The following EPS15 variants were observed in gnomAD, a reference collection of about 807,000 sequenced individuals.
The protein encoded by EPS15 is epidermal growth factor receptor substrate 15.
EPS15 carries 72 observed loss-of-function variants against 113.8 expected under a neutral mutation model. The observed-to-expected ratio is 0.63, with a 90% CI of 0.52 to 0.77. EPS15 has a LOEUF of 0.77. Among genes scored for constraint, EPS15 ranks in the 30% least tolerant of loss-of-function variants. EPS15 has a pLI of 0.00. For missense variants in EPS15, 1,048 were observed against 1,045.8 expected (o/e 1.00, Z -0.03); for synonymous variants, 344 against 363.4 (o/e 0.95, Z 0.61).
intron 13 of EPS15, among the ~76,000 whole-genome samples, chr1:51,412,697 A>C (rs1468427951): frequency 6.6e-6 from 1 of 152,264 alleles, no homozygotes; most frequent in African/African-American, 2.4e-5. Flanking sequence ...GCTCTGAATA[A>C]ACCCATGCCA....
At chr1:51,409,000 G>A (rs921866868) in intron 14 of EPS15, among the ~76,000 whole-genome samples, 9 of 151,866 alleles carry the variant, frequency 5.9e-5, no homozygotes, top group Admixed American at 1.3e-4. Flanking sequence ...GGGTTTCACC[G>A]TGGTCTCGAT....
At chr1:51,490,263 T>C in intron 1 of EPS15, 1 of 448,000 alleles carries the variant, frequency 2.2e-6, no homozygotes, top group Non-Finnish European at 4.5e-6. Flanking sequence ...TTATTATAAA[T>C]GGTTACAGTA....
At chr1:51,501,767 C>A (rs533542916) in intron 1 of EPS15, among the ~76,000 whole-genome samples, 10 of 152,126 alleles carry the variant, frequency 6.6e-5, no homozygotes, top group Non-Finnish European at 1.5e-4. Flanking sequence ...GTGAGAGCGG[C>A]TGCACCCTGC....
intron 3 of EPS15, among the ~76,000 whole-genome samples, chr1:51,472,106 A>G (rs1655283151): frequency 6.6e-6 from 1 of 152,044 alleles, no homozygotes; most frequent in African/African-American, 2.4e-5. Flanking sequence ...CACGGAAGCC[A>G]AAAGATTGGG....
chr1:51,454,553 C>T (rs1188701291), intron 8 of EPS15, among the ~76,000 whole-genome samples: 1 of 152,126 alleles, frequency 6.6e-6, no homozygotes, highest in Non-Finnish European at 1.5e-5. Context: ...CTCATTTGTC[C>T]AGTCTAGTCA....
chr1:51,500,725 C>T (rs1371880871), intron 1 of EPS15, among the ~76,000 whole-genome samples: 1 of 152,178 alleles, frequency 6.6e-6, no homozygotes, highest in Non-Finnish European at 1.5e-5. Context: ...TGGCTCACGT[C>T]TGTAATCCCA....
At chr1:51,508,358 A>AAG (rs1478727233) in intron 1 of EPS15, among the ~76,000 whole-genome samples, 3 of 150,518 alleles carry the variant, frequency 2.0e-5, no homozygotes, top group Non-Finnish European at 3.0e-5. Context: ...GAAAGAAAGA[A>AAG]AGAAAGAAAG....
intron 19 of EPS15, 28 bp from the exon 20 acceptor site, chr1:51,399,193 G>A: frequency 1.9e-6 from 3 of 1,595,586 alleles, no homozygotes; most frequent in Admixed American, 1.8e-5. Flanking sequence ...GAATATAAGA[G>A]ACAAAAAAAA....
chr1:51,399,488 G>A (rs1648300092), intron 19 of EPS15, among the ~76,000 whole-genome samples: 1 of 151,624 alleles, frequency 6.6e-6, no homozygotes, highest in South Asian at 2.1e-4. Flanking sequence ...TGAGGCAGAG[G>A]CTGCAGTGAG....
chr1:51,356,989 T>C (rs886133219), intron 24 of EPS15, 143 bp from the exon 25 acceptor site: 43 of 635,464 alleles, frequency 6.8e-5, no homozygotes, highest in Non-Finnish European at 1.1e-4. Flanking sequence ...TTTTTCCCCC[T>C]GAAAACATGT....
chr1:51,437,361 A>T (rs1342199142), intron 12 of EPS15, among the ~76,000 whole-genome samples: 1 of 152,078 alleles, frequency 6.6e-6, no homozygotes, highest in African/African-American at 2.4e-5. Flanking sequence ...TGAATTTTAC[A>T]ATGAATATGT....
Position 51,447,021 on chromosome 1 carries a change from A to T in EPS15, c.736T>A (p.Leu246Met). 6.2e-7 allele frequency: 1 copy of T among 1,613,696 alleles called. No individual in the cohort carries two copies. Among genetic ancestry groups the T allele is most frequent in the Non-Finnish European group, 8.5e-7 (1 of 1,179,632 alleles). The change falls in exon 10 of 25, where the codon TTG (leucine) becomes ATG (methionine). Residue 246 changes from leucine (L) to methionine (M), a missense_variant. Coordinates refer to ENST00000371733, the MANE Select transcript of EPS15 (RefSeq NM_001981.3). ...DKDMDGFVSG[L>M]EVREIFLKTG... ...TTCAAGAATATTTCACGGACCTCCA[A>T]TCCAGACACAAATCCGTCCATATCT...
At chr1:51,457,994 T>C (rs1654145389) in intron 8 of EPS15, 1 of 152,050 alleles carries the variant, frequency 6.6e-6, no homozygotes, top group East Asian at 1.9e-4. Context: ...TTAAAAACTA[T>C]CCAATTAGGT....
In EPS15 at chr1:51,506,788, A is replaced by AG. The variant is rs1464991273; in HGVS notation, c.33+12410_33+12411insC. Among the ~76,000 whole-genome samples the AG allele has an allele frequency of 1.1e-3, 152 of 140,880 alleles. 1 individual carries two copies. Among genetic ancestry groups the AG allele is most frequent in the African/African-American group, 3.7e-3 (147 of 40,066 alleles). 92.4% of individuals were successfully genotyped at this position (140,880 alleles called of 152,430 possible). ...AGGCGCCGCATAAAAGTGTGCCAGA[A>AG]AAAAAAAAAAAAACAGAACAGAACA... On this transcript the variant is annotated intron_variant, in intron 1 of 24. Coordinates refer to ENST00000371733, the MANE Select transcript of EPS15 (RefSeq NM_001981.3).
chr1:51,361,458 G>T, intron 23 of EPS15, 103 bp from the exon 24 acceptor site: 1 of 813,670 alleles, frequency 1.2e-6, no homozygotes, highest in Non-Finnish European at 1.9e-6. Context: ...GGTAGAGGAT[G>T]ATTGAGTACC....
chr1:51,469,364 T>C (rs1021301774), intron 4 of EPS15, among the ~76,000 whole-genome samples: 1 of 152,056 alleles, frequency 6.6e-6, no homozygotes, highest in Non-Finnish European at 1.5e-5. Flanking sequence ...CTGTGCAACA[T>C]CAAAAAAAAT....
chr1:51,420,853 T>C (rs951132877), intron 13 of EPS15, among the ~76,000 whole-genome samples: 2 of 152,176 alleles, frequency 1.3e-5, no homozygotes, highest in South Asian at 4.1e-4. Flanking sequence ...ATGAATGTCC[T>C]GCATCAAAAC....
At chr1:51,509,229 C>T (rs1470672496) in intron 1 of EPS15, among the ~76,000 whole-genome samples, 2 of 148,470 alleles carry the variant, frequency 1.3e-5, no homozygotes, top group East Asian at 3.9e-4. Context: ...ACTGGAAGCA[C>T]CTTTAATGCA....
intron 1 of EPS15, among the ~76,000 whole-genome samples, chr1:51,506,242 A>G (rs1644497171): frequency 6.6e-6 from 1 of 152,226 alleles, no homozygotes; most frequent in African/African-American, 2.4e-5. Context: ...TGGAATTGGT[A>G]GATGGCTCAT....
Sources: allele counts gnomAD v4.1 joint callset (sites outside exome capture counted in the v4.1 genomes callset), GRCh38; gene constraint gnomAD v4.1.1; transcripts MANE v1.5; gene names NCBI Gene and HGNC (gene_info 2026-07-23, HGNC 2026-07-21).